The following AKAP6 variants were observed in gnomAD, a reference collection of about 807,000 sequenced individuals.
AKAP6 encodes A-kinase anchoring protein 6.
AKAP6 carries 58 observed loss-of-function variants against 188.5 expected under a neutral mutation model. The ratio of observed to expected loss-of-function variants is 0.31; its 90% CI spans 0.25 to 0.38. The LOEUF (loss-of-function observed/expected upper bound fraction) is 0.38, where lower values mean the gene tolerates loss of function less well. Ranked by LOEUF, AKAP6 falls within the 10% of genes least tolerant of loss-of-function variation. The pLI is 1.00. For synonymous variants in AKAP6, 989 were observed against 998.6 expected (o/e 0.99, Z 0.18); for missense variants, 2,710 against 2,740.0 (o/e 0.99, Z 0.24).
At chr14:32,473,532 A>G (rs1878891148) in intron 2 of AKAP6, among the ~76,000 whole-genome samples, 1 of 152,228 alleles carries the variant, frequency 6.6e-6, no homozygotes, top group Non-Finnish European at 1.5e-5. Context: ...CAAAGCAGAA[A>G]GAGAGAAAGG....
In AKAP6 at chr14:32,741,819, G is replaced by GTTTTTTTTTTTTTTTTTTTTTT. The variant is rs34015837; in HGVS notation, c.3372+5941_3372+5962dup. Among the ~76,000 whole-genome samples, 3 of 70,684 alleles carry GTTTTTTTTTTTTTTTTTTTTTT rather than the reference G, an allele frequency of 4.2e-5. 1 individual carries two copies. The highest frequency in any genetic ancestry group is 8.0e-5 in the Non-Finnish European group (3 of 37,622). The allele number at this position is 70,684 out of a possible 152,430, so 46.4% of individuals were successfully genotyped here. A position where few individuals can be genotyped will look rare whatever the true frequency, so the allele number is the denominator to read the frequency against. Reference sequence around the variant, plus strand: ...ATTTATCAGAGATATTAGCCTGTAGGTTTTTTTTTTTTTTTTTTTTTTTTT... The same window carrying GTTTTTTTTTTTTTTTTTTTTTT: ...ATTTATCAGAGATATTAGCCTGTAGGTTTTTTTTTTTTTTTTTTTTTTTTTTTTTTTTTTTTTTTTTTTTTTT... On this transcript the variant is annotated intron_variant, in intron 11 of 13. Transcript: ENST00000280979.
chr14:32,608,020 C>T (rs1886193906), intron 7 of AKAP6, among the ~76,000 whole-genome samples: 1 of 152,062 alleles, frequency 6.6e-6, no homozygotes, highest in African/African-American at 2.4e-5. Context: ...GTTATCGAAT[C>T]CAATAGAAAA....
At chr14:32,376,900 T>C (rs1432441646) in intron 1 of AKAP6, among the ~76,000 whole-genome samples, 1 of 152,168 alleles carries the variant, frequency 6.6e-6, no homozygotes, top group African/African-American at 2.4e-5. Flanking sequence ...TTTCGCCATG[T>C]TGGCCAGGCT....
Position 32,824,690 on chromosome 14 carries a change from T to C in AKAP6, c.6877T>C (p.Leu2293=), listed in dbSNP as rs1566741074. The C allele has an allele frequency of 1.2e-6, 2 of 1,613,906 alleles. No homozygotes were observed. The highest frequency in any genetic ancestry group is 1.7e-6 in the Non-Finnish European group (2 of 1,179,902). ...KANQPTDKAA[L]HPSPKTLTCE... ...AAATCAGCCAACAGACAAGGCCGCA[T>C]TGCATCCCAGCCCCAAAACTTTAAC... The change falls in exon 13 of 14, where the codon TTG becomes CTG. Residue 2293 remains leucine (L), a synonymous_variant. Coordinates refer to ENST00000280979, the MANE Select transcript of AKAP6 (RefSeq NM_004274.5).
chr14:32,684,190 G>A (rs1889811911), intron 8 of AKAP6, among the ~76,000 whole-genome samples: 1 of 138,840 alleles, frequency 7.2e-6, no homozygotes, highest in Admixed American at 7.2e-5. Context: ...ATTAAGGACA[G>A]TGTGGTAACT....
intron 7 of AKAP6, among the ~76,000 whole-genome samples, chr14:32,659,013 C>T (rs933109491): frequency 6.6e-6 from 1 of 152,148 alleles, no homozygotes; most frequent in South Asian, 2.1e-4. Flanking sequence ...TTGTCTTTAT[C>T]ACTTACAAAG....
rs374278591 is a variant in AKAP6, at chr14:32,655,827, G to A, written c.2731-22484G>A. Among the ~76,000 whole-genome samples, 209 of 152,186 alleles carry A rather than the reference G, an allele frequency of 1.4e-3. 2 individuals are homozygous for A. Among genetic ancestry groups the A allele is most frequent in the South Asian group, 6.8e-3 (33 of 4,820 alleles). The stretch of plus-strand genomic sequence containing the variant: ...AGATTAGGGTCAGACTGGGGAAAGC[G>A]TTTTTTACCAATCTAACTTTTTTGT... On this transcript the variant is annotated intron_variant, in intron 7 of 13. Coordinates refer to ENST00000280979, the MANE Select transcript of AKAP6 (RefSeq NM_004274.5).
chr14:32,598,080 A>G (rs1885778791), intron 5 of AKAP6, among the ~76,000 whole-genome samples: 1 of 152,196 alleles, frequency 6.6e-6, no homozygotes, highest in Non-Finnish European at 1.5e-5. Context: ...GAATGGGCAC[A>G]GTACATAGTT....
chr14:32,797,807 A>G (rs2033817129), intron 12 of AKAP6, among the ~76,000 whole-genome samples: 1 of 152,124 alleles, frequency 6.6e-6, no homozygotes, highest in South Asian at 2.1e-4. Flanking sequence ...CAACCCTAGA[A>G]GAAAACACAG....
chr14:32,677,382 A>G (rs1889477573), intron 7 of AKAP6, among the ~76,000 whole-genome samples: 1 of 152,220 alleles, frequency 6.6e-6, no homozygotes, highest in African/African-American at 2.4e-5. Flanking sequence ...TAGAATATAT[A>G]ATAAAATTGT....
At chr14:32,405,133 CA>C (rs1889245541) in intron 1 of AKAP6, among the ~76,000 whole-genome samples, 1 of 151,986 alleles carries the variant, frequency 6.6e-6, no homozygotes, top group South Asian at 2.1e-4. Flanking sequence ...TGTATGAACC[CA>C]ATCAGAAGCC....
intron 7 of AKAP6, among the ~76,000 whole-genome samples, chr14:32,641,544 A>C (rs1050007662): frequency 6.6e-6 from 1 of 151,726 alleles, no homozygotes; most frequent in African/African-American, 2.4e-5. Flanking sequence ...TGAAGGACTT[A>C]TGTTAACTAA....
intron 2 of AKAP6, among the ~76,000 whole-genome samples, chr14:32,480,107 T>G (rs890544911): frequency 6.6e-6 from 1 of 152,174 alleles, no homozygotes; most frequent in African/African-American, 2.4e-5. Context: ...TTTGTGTCTC[T>G]TACTAGTCTG....
At chr14:32,349,373 C>T (rs1887184639) in intron 1 of AKAP6, among the ~76,000 whole-genome samples, 1 of 152,120 alleles carries the variant, frequency 6.6e-6, no homozygotes, top group Non-Finnish European at 1.5e-5. Context: ...TTTCATTGTT[C>T]TGCATAGATG....
intron 9 of AKAP6, among the ~76,000 whole-genome samples, chr14:32,708,893 C>A (rs1347752554): frequency 6.6e-6 from 1 of 151,898 alleles, no homozygotes; most frequent in Non-Finnish European, 1.5e-5. Context: ...TATGATTTTT[C>A]CCTCCTCTTC....
chr14:32,735,359 C>T (rs1039133786), intron 10 of AKAP6, among the ~76,000 whole-genome samples: 2 of 151,986 alleles, frequency 1.3e-5, no homozygotes, highest in South Asian at 2.1e-4. Context: ...GAACTATGGG[C>T]TAAATCTCCT....
chr14:32,815,349 A>G (rs989407799), intron 12 of AKAP6, among the ~76,000 whole-genome samples: 9 of 152,188 alleles, frequency 5.9e-5, no homozygotes, highest in African/African-American at 2.2e-4. Context: ...TTACTTTAAC[A>G]TTGTTGTCAA....
chr14:32,647,246 T>G (rs1015054993), intron 7 of AKAP6, among the ~76,000 whole-genome samples: 3 of 152,110 alleles, frequency 2.0e-5, no homozygotes, highest in African/African-American at 7.2e-5. Context: ...TCTTTGTTCT[T>G]CTGTGCAAAT....
At chr14:32,718,309 A>T (rs2030339938) in intron 9 of AKAP6, 3 of 985,224 alleles carry the variant, frequency 3.0e-6, no homozygotes, top group South Asian at 9.4e-5. Flanking sequence ...CTGAGGCTGC[A>T]GCAGCAGCGT....
Sources: gnomAD v4.1 joint callset for allele counts (sites outside exome capture counted in the v4.1 genomes callset) on GRCh38, gnomAD v4.1.1 for gene constraint, MANE v1.5 for transcripts, NCBI Gene and HGNC (gene_info 2026-07-23, HGNC 2026-07-21) for gene names.